The following FCRL5 variants were observed in gnomAD, a reference collection of about 807,000 sequenced individuals.
FCRL5 encodes the protein Fc receptor-like protein 5.
In FCRL5, 79 loss-of-function variants were observed where a neutral mutation model predicts 92.1. That is an observed-to-expected ratio of 0.86 (90% confidence interval 0.72 to 1.03). FCRL5 has a LOEUF of 1.03. Ranked by LOEUF, FCRL5 falls within the 50% of genes least tolerant of loss-of-function variation. The pLI is 0.00. For synonymous variants in FCRL5, 466 were observed against 469.3 expected (o/e 0.99, Z 0.09); for missense variants, 1,160 against 1,181.1 (o/e 0.98, Z 0.26).
intron 1 of FCRL5, among the ~76,000 whole-genome samples, chr1:157,549,832 G>A (rs563305208): frequency 1.3e-5 from 2 of 152,098 alleles, no homozygotes; most frequent in Admixed American, 6.5e-5. Context: ...GTTGACTAGT[G>A]GAAAAACAGA....
At chr1:157,531,480 A>T (rs1650694896) in intron 8 of FCRL5, among the ~76,000 whole-genome samples, 2 of 152,228 alleles carry the variant, frequency 1.3e-5, no homozygotes, top group South Asian at 4.1e-4. Context: ...GGATATTCAA[A>T]GGAAATAAAG....
chr1:157,519,970 GA>G (rs1558126405), intron 12 of FCRL5, among the ~76,000 whole-genome samples, 200 bp from the exon 13 acceptor site: 1 of 152,148 alleles, frequency 6.6e-6, no homozygotes, highest in Non-Finnish European at 1.5e-5. Context: ...TGTGAAACGG[GA>G]GTCCACAATC....
Position 157,521,176 on chromosome 1 carries a change from AC to A in FCRL5, c.2355del (p.His788MetfsTer6), listed in dbSNP as rs771543519. On this transcript the variant is annotated frameshift_variant, in exon 11 of 17. Coordinates refer to ENST00000361835, the MANE Select transcript of FCRL5 (RefSeq NM_031281.3). LOFTEE classifies it high-confidence loss of function. ...ALRGSPLILY[R>X]FFHEDVTLGN... is the part of the protein sequence containing the mutation. ...CCTAGGGTGACATCCTCATGAAAAAACCGGTACAGGATCAGGGGAGAGCCTC... is the reference window on the plus strand; with the variant it reads ...CCTAGGGTGACATCCTCATGAAAAAACGGTACAGGATCAGGGGAGAGCCTC... 5 of 1,613,820 alleles carry A rather than the reference AC, an allele frequency of 3.1e-6. No individual in the cohort carries two copies. The highest frequency in any genetic ancestry group is 1.1e-5 in the South Asian group (1 of 91,074).
intron 2 of FCRL5, among the ~76,000 whole-genome samples, chr1:157,547,981 A>G (rs1198830018): frequency 2.0e-5 from 3 of 152,250 alleles, no homozygotes; most frequent in Admixed American, 1.3e-4. Flanking sequence ...ATTTTACTCC[A>G]AAGTGTAGAG....
At position 157,520,560 on chromosome 1, in the gene FCRL5, C is replaced by A. The variant is rs1251314575; in HGVS notation, c.2516-13G>T. The A allele has an allele frequency of 1.3e-6, 2 of 1,576,464 alleles. No homozygotes were observed. The highest frequency in any genetic ancestry group is 1.2e-5 in the South Asian group (1 of 86,068). ...TTCGCGGTCAGCCCTGAGGGGGAGA[C>A]CCTGTGTGTGAGCCAGAGGAGAGGC... On this transcript the variant is annotated splice_polypyrimidine_tract_variant and intron_variant, in intron 11 of 16. Transcript: ENST00000361835.
At chr1:157,549,425 T>G (rs1651708648) in intron 2 of FCRL5, 135 bp downstream of exon 2, 1 of 793,278 alleles carries the variant, frequency 1.3e-6, no homozygotes, top group African/African-American at 1.8e-5. Flanking sequence ...CCCTAAAACT[T>G]AAAGTATAAT....
At position 157,520,520 on chromosome 1, in the gene FCRL5, A is replaced by G; in HGVS notation, c.2543T>C (p.Phe848Ser). The G allele has an allele frequency of 6.3e-7, 1 of 1,580,498 alleles. No homozygotes were observed. The stretch of plus-strand genomic sequence containing the variant: ...CAGGCCCCCGGCGACTCCTGTGGCA[A>G]AAGGGCCACTTCTGTTCGCGGTCAG... ...TGLTANRSGP[F>S]ATGVAGGLLS... Residue 848 changes from phenylalanine to serine, a missense_variant, in exon 12 of 17, where the codon TTT (phenylalanine) becomes TCT (serine). By Grantham distance (155) the Phe-to-Ser change is radical. Transcript: ENST00000361835.
chr1:157,547,036 C>T lies in FCRL5; in HGVS notation c.214G>A (p.Asp72Asn). ...LGKEILRETP[D>N]NILEVQESGE... Reference sequence around the variant, plus strand: ...GATTCCTGAACCTCAAGGATATTGTCTGGGGTTTCTCTTAGTATTTCTTTC... The same window carrying T: ...GATTCCTGAACCTCAAGGATATTGTTTGGGGTTTCTCTTAGTATTTCTTTC... The change falls in exon 3 of 17, where the codon GAC (aspartate) becomes AAC (asparagine). Residue 72 changes from aspartate to asparagine, a missense_variant. Physicochemically the swap from Asp to Asn is conservative, Grantham distance 23. Transcript: ENST00000361835. 2.5e-6 allele frequency: 4 copies of T among 1,614,178 alleles called. No individual in the cohort carries two copies. Among genetic ancestry groups the T allele is most frequent in the Non-Finnish European group, 3.4e-6 (4 of 1,180,036 alleles).
chr1:157,542,142 C>T (rs1335214479), intron 6 of FCRL5: 1 of 152,276 alleles, frequency 6.6e-6, no homozygotes, highest in East Asian at 1.9e-4. Flanking sequence ...CAGTATAGAC[C>T]CAAATCACAC....
At chr1:157,549,837 A>G (rs1016488552) in intron 1 of FCRL5, among the ~76,000 whole-genome samples, 18 of 152,148 alleles carry the variant, frequency 1.2e-4, no homozygotes, top group African/African-American at 4.3e-4. Flanking sequence ...CTAGTGGAAA[A>G]ACAGAAACAC....
chr1:157,526,828 G>T (rs1164004038), intron 9 of FCRL5, among the ~76,000 whole-genome samples: 4 of 152,068 alleles, frequency 2.6e-5, no homozygotes, highest in African/African-American at 9.7e-5. Context: ...GCAAGCAGAA[G>T]GCCAGGGGGT....
rs548179777 is a variant in FCRL5 at position 157,551,535 on chromosome 1, T to C, written c.31+797A>G. Among the ~76,000 whole-genome samples, 101 of 152,354 alleles carry C rather than the reference T, an allele frequency of 6.6e-4. 2 individuals are homozygous for C. The highest frequency in any genetic ancestry group is 4.1e-4 in the South Asian group (2 of 4,826). ...ATTATTTAACTGGGAGCTTGTTGCA[T>C]AGCTGCTTGAAAGTACATTGGCCTT... On this transcript the variant is annotated intron_variant, in intron 1 of 16. Coordinates refer to ENST00000361835, the MANE Select transcript of FCRL5 (RefSeq NM_031281.3).
At chr1:157,549,928 G>A (rs1422874085) in intron 1 of FCRL5, among the ~76,000 whole-genome samples, 1 of 152,064 alleles carries the variant, frequency 6.6e-6, no homozygotes, top group African/African-American at 2.4e-5. Context: ...AGGGCCACTA[G>A]CCCAGTGTGT....
chr1:157,544,170 T>C lies in FCRL5; in HGVS notation c.844+92A>G. On this transcript the variant is annotated intron_variant, in intron 5 of 16. Transcript: ENST00000361835. ...CCCATTCTCACAGGTACGAGTTTTT[T>C]CTACAGAGACTGGTGACCCACGCTG... 1.2e-5 allele frequency: 16 copies of C among 1,384,452 alleles called. No homozygotes were observed. The South Asian group carries it at 1.9e-4, about 17-fold the overall frequency. 85.8% of individuals were successfully genotyped at this position (1,384,452 alleles called of 1,614,324 possible).
chr1:157,535,910 T>G (rs942645622), intron 7 of FCRL5, among the ~76,000 whole-genome samples: 6 of 146,382 alleles, frequency 4.1e-5, no homozygotes, highest in Non-Finnish European at 9.0e-5. Flanking sequence ...TGCCAAAGGG[T>G]ACTTTGTGGC....
intron 12 of FCRL5, 56 bp from the exon 13 acceptor site, chr1:157,519,826 C>G (rs561879669): frequency 6.4e-7 from 1 of 1,574,276 alleles, no homozygotes; most frequent in Non-Finnish European, 8.7e-7. Flanking sequence ...CTCAGTGGGG[C>G]ACAGCTCAGG....
At chr1:157,518,953 A>G in intron 13 of FCRL5, 171 bp from the exon 14 acceptor site, 1 of 516,204 alleles carries the variant, frequency 1.9e-6, no homozygotes. Flanking sequence ...ATCATATTAT[A>G]TATGTTTCCA....
chr1:157,530,699 A>G (rs1161068853), intron 8 of FCRL5, among the ~76,000 whole-genome samples: 5 of 152,250 alleles, frequency 3.3e-5, no homozygotes, highest in African/African-American at 1.2e-4. Context: ...ATTCCATTGT[A>G]TAGATATGCT....
At chr1:157,516,083 C>T (rs1469213364) in intron 15 of FCRL5, 3 of 639,372 alleles carry the variant, frequency 4.7e-6, no homozygotes, top group African/African-American at 3.6e-5. Flanking sequence ...CTTCAACTCC[C>T]CTTCACACTT....
Sources: gnomAD v4.1 joint callset for allele counts (sites outside exome capture counted in the v4.1 genomes callset) on GRCh38, gnomAD v4.1.1 for gene constraint, MANE v1.5 for transcripts, NCBI Gene and HGNC (gene_info 2026-07-23, HGNC 2026-07-21) for gene names.